BOC: variants seen among roughly 807,000 people sequenced by gnomAD.
BOC encodes the protein brother of CDO.
BOC carries 76 observed loss-of-function variants against 112.0 expected under a neutral mutation model. The observed-to-expected ratio is 0.68, with a 90% CI of 0.56 to 0.82. The LOEUF is 0.82. Ranked by LOEUF, BOC falls within the 40% of genes least tolerant of loss-of-function variation. BOC has a pLI of 0.00. For missense variants in BOC, 1,309 were observed against 1,511.7 expected, an observed-to-expected ratio of 0.87 and a Z score of 2.22; for synonymous variants, 580 against 599.8, an observed-to-expected ratio of 0.97 and a Z score of 0.48.
rs1183091529 is a variant in BOC at position 113,279,244 on chromosome 3, C to T, written c.1817-5C>T. 1.9e-6 allele frequency: 3 copies of T among 1,613,024 alleles called. No homozygotes were observed. The highest frequency in any genetic ancestry group is 2.5e-6 in the Non-Finnish European group (3 of 1,179,400). On this transcript the variant is annotated splice_polypyrimidine_tract_variant and splice_region_variant and intron_variant, in intron 11 of 19. Transcript: ENST00000682979. ...TCCTTCCTCACTGGATACGGTCTTT[C>T]CCAGCCCCAGAAGCTCCCGACAGGC...
At chr3:113,247,898 T>C (rs892924955) in intron 2 of BOC, among the ~76,000 whole-genome samples, 1 of 152,258 alleles carries the variant, frequency 6.6e-6, no homozygotes, top group Non-Finnish European at 1.5e-5. Context: ...GGAAATTATC[T>C]TAACTTGCCA....
intron 2 of BOC, among the ~76,000 whole-genome samples, chr3:113,235,852 A>G (rs185947173): frequency 6.6e-6 from 1 of 152,298 alleles, no homozygotes; most frequent in Admixed American, 6.5e-5. Context: ...CCCATTGCTT[A>G]ATTTTGTATA....
intron 16 of BOC, 44 bp downstream of exon 16, chr3:113,283,676 T>C (rs1949400742): frequency 6.4e-6 from 10 of 1,571,076 alleles, no homozygotes; most frequent in South Asian, 1.1e-5. Flanking sequence ...GGGTGGGAAA[T>C]GGGGGCTCCA....
At chr3:113,282,486 GA>G (rs1386267579) in intron 15 of BOC, among the ~76,000 whole-genome samples, 1 of 152,236 alleles carries the variant, frequency 6.6e-6, no homozygotes, top group Middle Eastern at 3.2e-3. Flanking sequence ...GCAACGGCAA[GA>G]AGACAGATTT....
chr3:113,248,671 A>G, intron 2 of BOC, among the ~76,000 whole-genome samples: 1 of 152,238 alleles, frequency 6.6e-6, no homozygotes, highest in Non-Finnish European at 1.5e-5. Context: ...TGGCTGTGAC[A>G]GAAGTGTGTG....
At chr3:113,262,370 G>A (rs1439587222) in intron 4 of BOC, among the ~76,000 whole-genome samples, 1 of 152,232 alleles carries the variant, frequency 6.6e-6, no homozygotes, top group African/African-American at 2.4e-5. Flanking sequence ...GTGGTTAGGA[G>A]CTATGTCTTT....
chr3:113,258,488 G>T (rs6438134), intron 4 of BOC, among the ~76,000 whole-genome samples: 1 of 152,066 alleles, frequency 6.6e-6, no homozygotes, highest in East Asian at 1.9e-4. Flanking sequence ...CCCCACTTCC[G>T]CCCCCGTCTG....
intron 5 of BOC, chr3:113,269,460 C>G (rs1282009406): frequency 6.6e-6 from 1 of 151,808 alleles, no homozygotes; most frequent in African/African-American, 2.4e-5. Flanking sequence ...GTCCAGGAGG[C>G]TAAGGTTGTA....
rs938978361 is a variant in BOC at position 113,284,379 on chromosome 3, T to C, written c.2701T>C (p.Ser901Pro). The change falls in exon 17 of 20, where the codon TCC becomes CCC. Residue 901 changes from serine to proline, a missense_variant. Coordinates refer to ENST00000682979, the MANE Select transcript of BOC (RefSeq NM_001378074.1). ...LGFPRSALPPSCPYTMVPLGG... is the reference protein window; with the variant it reads ...LGFPRSALPPPCPYTMVPLGG... ...TTTTCCTCGAAGTGCCCTTCCACCC[T>C]CCTGCCCGTATACTATGGTGCCATT... 14 of 1,614,054 alleles carry C rather than the reference T, an allele frequency of 8.7e-6. No individual in the cohort carries two copies. The highest frequency in any genetic ancestry group is 1.1e-5 in the Non-Finnish European group (13 of 1,180,032).
chr3:113,242,617 A>C (rs1944447492), intron 2 of BOC, among the ~76,000 whole-genome samples: 1 of 151,834 alleles, frequency 6.6e-6, no homozygotes, highest in Non-Finnish European at 1.5e-5. Context: ...GTTTGTTAGC[A>C]CTTTGTTATA....
rs570662348 is a variant in BOC, at chr3:113,245,862, A to C, written c.-81-3860A>C. Reference sequence around the variant, plus strand: ...AAGGGCATGTTTTGTGTTTTAGATCATAGAAGCTTCCCTTTCTGACAGCTG... The same window carrying C: ...AAGGGCATGTTTTGTGTTTTAGATCCTAGAAGCTTCCCTTTCTGACAGCTG... On this transcript the variant is annotated intron_variant, in intron 2 of 19. Coordinates refer to ENST00000682979, the MANE Select transcript of BOC (RefSeq NM_001378074.1). 2.6e-5 allele frequency among the ~76,000 whole-genome samples: 4 copies of C among 152,334 alleles called. No individual in the cohort carries two copies. The South Asian group carries it at 8.3e-4, about 32-fold the overall frequency.
intron 15 of BOC, 74 bp from the exon 16 acceptor site, chr3:113,283,337 A>ATTT: frequency 7.2e-7 from 1 of 1,396,926 alleles, no homozygotes; most frequent in Non-Finnish European, 9.7e-7. Context: ...GAATGGGGGT[A>ATTT]TTTTTTTTTC....
At chr3:113,224,815 C>T (rs868349967) in intron 2 of BOC, among the ~76,000 whole-genome samples, 43 of 152,100 alleles carry the variant, frequency 2.8e-4, no homozygotes, top group Non-Finnish European at 4.4e-4. Context: ...AAAAATAGGC[C>T]GGGCATGGTG....
At chr3:113,245,961 C>T (rs770456726) in intron 2 of BOC, among the ~76,000 whole-genome samples, 1 of 152,220 alleles carries the variant, frequency 6.6e-6, no homozygotes, top group Non-Finnish European at 1.5e-5. Context: ...GTTAGTCAGC[C>T]AGCCCTCTTG....
intron 2 of BOC, among the ~76,000 whole-genome samples, chr3:113,246,845 C>T (rs1295706301): frequency 1.3e-5 from 2 of 152,150 alleles, no homozygotes; most frequent in African/African-American, 2.4e-5. Flanking sequence ...CACTCCCTCT[C>T]ACTCCCAATT....
At chr3:113,242,884 C>A (rs1423690565) in intron 2 of BOC, among the ~76,000 whole-genome samples, 1 of 152,054 alleles carries the variant, frequency 6.6e-6, no homozygotes, top group Non-Finnish European at 1.5e-5. Context: ...CGTTGGAGCA[C>A]TGTAAGATAA....
At chr3:113,285,212 G>A (rs1949561197) in intron 18 of BOC, among the ~76,000 whole-genome samples, 160 bp from the exon 19 acceptor site, 1 of 152,238 alleles carries the variant, frequency 6.6e-6, no homozygotes. Context: ...GGGAATGATG[G>A]TGTGGTACCT....
Position 113,249,879 on chromosome 3 carries a change from C to A in BOC, c.77C>A (p.Ala26Glu). The A allele has an allele frequency of 6.2e-7, 1 of 1,613,532 alleles. No individual in the cohort carries two copies. Among genetic ancestry groups the A allele is most frequent in the African/African-American group, 1.3e-5 (1 of 75,040 alleles). Residue 26 changes from alanine (A) to glutamate (E), a missense_variant, in exon 3 of 20, where the codon GCA becomes GAA. Transcript: ENST00000682979. ...VTLACLLLATAGCFADLNEVP... is the reference protein window; with the variant it reads ...VTLACLLLATEGCFADLNEVP... ...CTGGCTTGCCTCCTCCTAGCCACAG[C>A]AGGCTGCTTTGCTGACTTGAGTGAG...
chr3:113,285,259 C>T (rs1288397502), intron 18 of BOC, 113 bp from the exon 19 acceptor site: 1 of 1,005,838 alleles, frequency 9.9e-7, no homozygotes, highest in Non-Finnish European at 1.5e-6. Context: ...CTTGCCCCAT[C>T]TGAGCTCTCA....
Sources: allele counts gnomAD v4.1 joint callset (sites outside exome capture counted in the v4.1 genomes callset), GRCh38; gene constraint gnomAD v4.1.1; transcripts MANE v1.5; gene names NCBI Gene and HGNC (gene_info 2026-07-23, HGNC 2026-07-21).